ABCC9: variants seen among roughly 807,000 people sequenced by gnomAD.
The protein encoded by ABCC9 is ATP-binding cassette sub-family C member 9.
A neutral mutation model predicts 188.3 loss-of-function variants in ABCC9; 95 were observed. That is an observed-to-expected ratio of 0.50 (90% CI 0.43 to 0.60). ABCC9 has a LOEUF of 0.60. Among genes scored for constraint, ABCC9 ranks in the 20% least tolerant of loss-of-function variants. The probability of loss-of-function intolerance (pLI) is 0.00; values close to 1 mark genes in which losing one functional copy is unlikely to be tolerated. For missense variants in ABCC9, 1,102 were observed against 1,876.3 expected (o/e 0.59, Z 7.62); for synonymous variants, 659 against 652.7 (o/e 1.01, Z -0.15).
rs752490822 is a variant in ABCC9, at chr12:21,799,974, C to A, written c.*1070G>T. On this transcript the variant is annotated 3_prime_UTR_variant, in exon 40 of 40. Coordinates refer to ENST00000261200, the MANE Select transcript of ABCC9 (RefSeq NM_020297.4). ...ATTTTTGGTATATTTTTTGTATGCACATTAAAATTAGAGCAGGAGCAAATG... is the reference window on the plus strand; with the variant it reads ...ATTTTTGGTATATTTTTTGTATGCAAATTAAAATTAGAGCAGGAGCAAATG... 1 of 152,128 alleles carries A rather than the reference C, an allele frequency of 6.6e-6. No homozygotes were observed. Among genetic ancestry groups the A allele is most frequent in the African/African-American group, 2.4e-5 (1 of 41,424 alleles). The allele number at this position is 152,128 out of a possible 1,614,324, so 9.4% of individuals were successfully genotyped here.
At chr12:21,913,953 G>T (rs532902798) in intron 7 of ABCC9, among the ~76,000 whole-genome samples, 1 of 152,214 alleles carries the variant, frequency 6.6e-6, no homozygotes, top group African/African-American at 2.4e-5. Context: ...GTTGTAAAGA[G>T]AACTCAGAAA....
At chr12:21,916,469 AG>A (rs1310950703) in intron 6 of ABCC9, among the ~76,000 whole-genome samples, 3 of 152,200 alleles carry the variant, frequency 2.0e-5, no homozygotes, top group African/African-American at 7.2e-5. Flanking sequence ...ATTACAAACC[AG>A]GTGTGTGTCT....
At chr12:21,839,319 A>G (rs1205871926) in intron 29 of ABCC9, among the ~76,000 whole-genome samples, 2 of 152,220 alleles carry the variant, frequency 1.3e-5, no homozygotes, top group Admixed American at 6.5e-5. Context: ...CTAGTTTAAC[A>G]GACTTGAAAA....
chr12:21,922,653 T>C (rs1447433419), intron 5 of ABCC9, among the ~76,000 whole-genome samples: 3 of 151,700 alleles, frequency 2.0e-5, no homozygotes, highest in South Asian at 2.1e-4. Flanking sequence ...GAAGACTGGA[T>C]TGTGAAACCC....
intron 5 of ABCC9, chr12:21,922,930 T>C (rs967744106): frequency 2.6e-5 from 4 of 151,436 alleles, no homozygotes; most frequent in African/African-American, 4.8e-5. Context: ...TAAAAATCTA[T>C]GAATACATCA....
intron 20 of ABCC9, among the ~76,000 whole-genome samples, chr12:21,862,437 C>G (rs1015432312): frequency 6.6e-6 from 1 of 152,022 alleles, no homozygotes; most frequent in Non-Finnish European, 1.5e-5. Flanking sequence ...TTTTCAAGAC[C>G]CAGCTTATGG....
intron 31 of ABCC9, among the ~76,000 whole-genome samples, chr12:21,819,946 G>A (rs1024572217): frequency 2.9e-4 from 44 of 152,016 alleles, no homozygotes; most frequent in African/African-American, 8.2e-4. Flanking sequence ...ACCCCTACTA[G>A]ACTGTTCTTT....
chr12:21,812,249 G>C, intron 35 of ABCC9, 92 bp from the exon 36 acceptor site: 1 of 1,015,512 alleles, frequency 9.8e-7, no homozygotes, highest in African/African-American at 1.6e-5. Flanking sequence ...CTTAGTTAGG[G>C]GTTGAAATTC....
chr12:21,886,704 G>A (rs940670859), intron 15 of ABCC9, among the ~76,000 whole-genome samples: 3 of 151,666 alleles, frequency 2.0e-5, no homozygotes, highest in South Asian at 2.1e-4. Context: ...CATGGCTTAC[G>A]AGGGCCCTCA....
At chr12:21,933,700 AC>A in intron 4 of ABCC9, 81 bp downstream of exon 4, 1 of 1,534,586 alleles carries the variant, frequency 6.5e-7, no homozygotes, top group South Asian at 1.1e-5. Flanking sequence ...ATTTATGGGC[AC>A]AAGTTACAAA....
At chr12:21,826,495 CAGG>C (rs540312755) in intron 31 of ABCC9, among the ~76,000 whole-genome samples, 195 of 152,204 alleles carry the variant, frequency 1.3e-3, no homozygotes, top group African/African-American at 4.3e-3. Context: ...GGTTATTTCC[CAGG>C]AGAAGTCATT....
Position 21,845,626 on chromosome 12 carries a change from T to C in ABCC9, c.3073A>G (p.Asn1025Asp), listed in dbSNP as rs372020861. ...LATWTSEYSI[N>D]NTGKADQTYY... Reference sequence around the variant, plus strand: ...ACCTGATCAGCTTTTCCAGTATTGTTTATACTGTACTCCGATGTCCATGTG... The same window carrying C: ...ACCTGATCAGCTTTTCCAGTATTGTCTATACTGTACTCCGATGTCCATGTG... The change falls in exon 26 of 40, where the codon AAC (asparagine) becomes GAC (aspartate). Residue 1025 changes from asparagine to aspartate, a missense_variant. Physicochemically the swap from Asn to Asp is conservative, Grantham distance 23 (BLOSUM62 1). Coordinates refer to ENST00000261200, the MANE Select transcript of ABCC9 (RefSeq NM_020297.4). 26 of 1,613,382 alleles carry C rather than the reference T, an allele frequency of 1.6e-5. No individual in the cohort carries two copies. The highest frequency in any genetic ancestry group is 2.1e-5 in the Non-Finnish European group (25 of 1,179,556).
chr12:21,919,734 AAAAT>A (rs1466146843), intron 5 of ABCC9, among the ~76,000 whole-genome samples: 1 of 152,048 alleles, frequency 6.6e-6, no homozygotes, highest in East Asian at 1.9e-4. Flanking sequence ...GTCTTTCAGA[AAAAT>A]AGAGAGAAAA....
intron 15 of ABCC9, among the ~76,000 whole-genome samples, chr12:21,887,616 A>T (rs1322681322): frequency 6.6e-6 from 1 of 152,122 alleles, no homozygotes; most frequent in South Asian, 2.1e-4. Context: ...GTCTCTTAGG[A>T]TAATTTTTTC....
Position 21,845,713 on chromosome 12 carries a change from G to A in ABCC9, c.2986C>T (p.Leu996=), listed in dbSNP as rs760294059. Residue 996 remains leucine, a synonymous_variant, in exon 26 of 40, where the codon CTG becomes TTG. Coordinates refer to ENST00000261200, the MANE Select transcript of ABCC9 (RefSeq NM_020297.4). ...TTCAAAAGCTTAGAGAAAATCATCA[G>A]GATGAGCAGGAAGAATCCTCCAGAT... is the stretch of plus-strand genomic sequence containing the variant. The part of the protein sequence containing the change: ...LTSGGFFLLI[L]MIFSKLLKHS... 1 of 1,613,870 alleles carries A rather than the reference G, an allele frequency of 6.2e-7. No homozygotes were observed. The highest frequency in any genetic ancestry group is 1.7e-5 in the Admixed American group (1 of 59,992).
chr12:21,853,371 C>T (rs1245226365), intron 22 of ABCC9, among the ~76,000 whole-genome samples: 3 of 151,920 alleles, frequency 2.0e-5, no homozygotes, highest in African/African-American at 4.8e-5. Flanking sequence ...CATAACAGGA[C>T]TTACTTAATG....
chr12:21,931,921 C>T (rs1592265437), intron 4 of ABCC9, among the ~76,000 whole-genome samples: 2 of 151,984 alleles, frequency 1.3e-5, no homozygotes, highest in South Asian at 2.1e-4. Flanking sequence ...CACATACCTG[C>T]GAAAAGCCCT....
chr12:21,811,932 A>G (rs1942269887), intron 36 of ABCC9, 117 bp downstream of exon 36: 1 of 747,768 alleles, frequency 1.3e-6, no homozygotes, highest in African/African-American at 1.7e-5. Context: ...GGTATATTTG[A>G]TTTTATTGCC....
At chr12:21,874,850 ACTT>A (rs771307244) in intron 17 of ABCC9, among the ~76,000 whole-genome samples, 2 of 152,054 alleles carry the variant, frequency 1.3e-5, no homozygotes, top group South Asian at 2.1e-4. Flanking sequence ...AATTTTAGAC[ACTT>A]CTTCTCACAG....
Sources: gnomAD v4.1 joint callset for allele counts (sites outside exome capture counted in the v4.1 genomes callset) on GRCh38, gnomAD v4.1.1 for gene constraint, MANE v1.5 for transcripts, NCBI Gene and HGNC (gene_info 2026-07-23, HGNC 2026-07-21) for gene names.